The following EFHC2 variants were observed in gnomAD, a reference collection of about 807,000 sequenced individuals.
EFHC2 encodes EF-hand domain containing 2.
A neutral mutation model predicts 52.7 loss-of-function variants in EFHC2; 18 were observed. That is an observed-to-expected ratio of 0.34 (90% confidence interval 0.24 to 0.51). The LOEUF is 0.51. Ranked by LOEUF, EFHC2 falls within the 20% of genes least tolerant of loss-of-function variation. The pLI, the probability that EFHC2 is intolerant of heterozygous loss-of-function variation, is 0.97. For missense variants in EFHC2, 513 were observed against 562.5 expected, an observed-to-expected ratio of 0.91 and a Z score of 0.89; for synonymous variants, 203 against 204.1, an observed-to-expected ratio of 0.99 and a Z score of 0.04.
intron 13 of EFHC2, among the ~76,000 whole-genome samples, chrX:44,168,325 G>T (rs1053981701): frequency 4.5e-5 from 5 of 111,710 alleles, no homozygotes; most frequent in African/African-American, 1.3e-4. Flanking sequence ...GAGGTCAGGA[G>T]ATCGAGACCA....
intron 11 of EFHC2, among the ~76,000 whole-genome samples, chrX:44,227,522 C>T (rs375877652): frequency 3.6e-5 from 4 of 111,001 alleles, no homozygotes; most frequent in African/African-American, 1.3e-4. Flanking sequence ...CCAGGAACAA[C>T]TCTAGTGGTT....
intron 2 of EFHC2, among the ~76,000 whole-genome samples, chrX:44,300,749 A>G (rs1171052850): frequency 9.0e-6 from 1 of 111,559 alleles, no homozygotes; most frequent in African/African-American, 3.3e-5. Flanking sequence ...TAGGAGTCAT[A>G]TAGCTGGAGG....
chrX:44,242,053 A>G (rs1462482220), intron 8 of EFHC2, 68 bp downstream of exon 8: 8 of 1,035,289 alleles, frequency 7.7e-6, no homozygotes, highest in Non-Finnish European at 1.0e-5. Flanking sequence ...TTTCGTCATG[A>G]GAACTATGTT....
chrX:44,196,438 A>G (rs1442067844), intron 11 of EFHC2, among the ~76,000 whole-genome samples: 1 of 111,914 alleles, frequency 8.9e-6, no homozygotes, highest in Non-Finnish European at 1.9e-5. Flanking sequence ...TTTATCCTAC[A>G]GAACTGTCTA....
Position 44,188,146 on chromosome X carries a change from AT to A in EFHC2, c.1752-9583del, listed in dbSNP as rs369956826. On this transcript the variant is annotated intron_variant, in intron 11 of 14. Transcript: ENST00000420999. ...GAGGTATGTGCCACCACGCCCAGCAATTTTTTTTTTTTTTGGTAGAGACGGG... is the reference window on the plus strand; with the variant it reads ...GAGGTATGTGCCACCACGCCCAGCAATTTTTTTTTTTTTGGTAGAGACGGG... Among the ~76,000 whole-genome samples, 773 of 95,189 alleles carry A rather than the reference AT, an allele frequency of 8.1e-3. 6 individuals carry two copies. The highest frequency in any genetic ancestry group is 0.033 in the East Asian group (100 of 2,991). 82.7% of individuals were successfully genotyped at this position (95,189 alleles called of 115,157 possible).
chrX:44,318,918 A>G (rs778160825), intron 1 of EFHC2, among the ~76,000 whole-genome samples: 2 of 111,020 alleles, frequency 1.8e-5, no homozygotes, highest in East Asian at 5.6e-4. Context: ...GGACACAGGG[A>G]CAATATGAGG....
intron 4 of EFHC2, among the ~76,000 whole-genome samples, chrX:44,251,621 A>AAAAAAAAAAAAAAAAAAAAAAAAAAAAT (rs2037449550): frequency 1.6e-5 from 1 of 60,999 alleles, no homozygotes. Context: ...AAAAAAAAAA[A>AAAAAAAAAAAAAAAAAAAAAAAAAAAAT]AAAAAAAAAA....
At chrX:44,322,063 AC>A (rs2038024307) in intron 1 of EFHC2, among the ~76,000 whole-genome samples, 1 of 64,874 alleles carries the variant, frequency 1.5e-5, no homozygotes, top group East Asian at 4.4e-4. Flanking sequence ...CCCCTCCCCC[AC>A]CCCCAGCTGT....
chrX:44,254,055 CA>C (rs1003358597), intron 4 of EFHC2, among the ~76,000 whole-genome samples: 9 of 112,414 alleles, frequency 8.0e-5, no homozygotes, highest in African/African-American at 2.9e-4. Context: ...AACTAACAAA[CA>C]GAAAGGAATA....
intron 2 of EFHC2, among the ~76,000 whole-genome samples, chrX:44,273,941 G>A (rs2037635965): frequency 1.8e-5 from 2 of 111,777 alleles, no homozygotes; most frequent in Non-Finnish European, 3.8e-5. Context: ...CTACCCTCTA[G>A]GGGTGGTGGT....
chrX:44,338,933 G>A lies in EFHC2; in HGVS notation c.42+4614C>T, dbSNP rs1170782250. On this transcript the variant is annotated intron_variant, in intron 1 of 14. Coordinates refer to ENST00000420999, the MANE Select transcript of EFHC2 (RefSeq NM_025184.4). ...CGGCCAGGCGCGGTGGCTCACGCCT[G>A]TAATCCCAGCACTTTGGGAGGCTGA... 1.5e-4 allele frequency among the ~76,000 whole-genome samples: 17 copies of A among 111,835 alleles called. 1 individual carries two copies. Among genetic ancestry groups the A allele is most frequent in the Admixed American group, 1.5e-3 (16 of 10,557 alleles).
intron 11 of EFHC2, among the ~76,000 whole-genome samples, chrX:44,205,076 T>A (rs1403813297): frequency 3.6e-5 from 4 of 111,385 alleles, no homozygotes; most frequent in African/African-American, 1.3e-4. Flanking sequence ...AGAAAATAAA[T>A]CCAAGCCAAG....
intron 2 of EFHC2, among the ~76,000 whole-genome samples, chrX:44,280,030 TACACACACACAC>T (rs766337222): frequency 2.4e-4 from 16 of 66,823 alleles, no homozygotes; most frequent in East Asian, 4.8e-4. Flanking sequence ...CCATCCCCCA[TACACACACACAC>T]ACACACACAC....
At chrX:44,154,223 G>A (rs890872669) in intron 14 of EFHC2, among the ~76,000 whole-genome samples, 1 of 112,796 alleles carries the variant, frequency 8.9e-6, no homozygotes, top group Non-Finnish European at 1.9e-5. Context: ...CTTCTCTTTG[G>A]CCTCTGAGGC....
intron 11 of EFHC2, among the ~76,000 whole-genome samples, chrX:44,217,579 A>C (rs2037161346): frequency 9.0e-6 from 1 of 111,335 alleles, no homozygotes; most frequent in South Asian, 3.8e-4. Context: ...TGTTAAGTGA[A>C]ATAAGCCAGG....
chrX:44,166,835 A>G (rs2036699807), intron 13 of EFHC2, among the ~76,000 whole-genome samples: 1 of 111,445 alleles, frequency 9.0e-6, no homozygotes, highest in East Asian at 2.8e-4. Context: ...ACTGTAGCAT[A>G]TAACAAGTCT....
At chrX:44,294,837 C>T (rs2037816602) in intron 2 of EFHC2, among the ~76,000 whole-genome samples, 1 of 111,800 alleles carries the variant, frequency 8.9e-6, no homozygotes, top group Non-Finnish European at 1.9e-5. Context: ...ATTGTAGCTC[C>T]GTATATATTG....
intron 2 of EFHC2, among the ~76,000 whole-genome samples, chrX:44,306,474 T>C (rs922677784): frequency 3.6e-5 from 4 of 111,645 alleles, no homozygotes; most frequent in African/African-American, 1.3e-4. Context: ...AAGTGAGTCA[T>C]GCGGCCAGCC....
At chrX:44,343,259 G>T (rs766804608) in intron 1 of EFHC2, among the ~76,000 whole-genome samples, 9 of 111,515 alleles carry the variant, frequency 8.1e-5, no homozygotes, top group African/African-American at 2.3e-4. Flanking sequence ...AAAGCACAGC[G>T]CCTGGCACAC....
Sources: gnomAD v4.1 joint callset for allele counts (sites outside exome capture counted in the v4.1 genomes callset) on GRCh38, gnomAD v4.1.1 for gene constraint, MANE v1.5 for transcripts, NCBI Gene and HGNC (gene_info 2026-07-23, HGNC 2026-07-21) for gene names.